The following PPARGC1B variants were observed in gnomAD, a reference collection of about 807,000 sequenced individuals.
PPARGC1B encodes the protein peroxisome proliferator-activated receptor gamma coactivator 1-beta.
In PPARGC1B, 34 loss-of-function variants were observed where a neutral mutation model predicts 101.6. The observed-to-expected ratio is 0.33, with a 90% CI of 0.25 to 0.45. The LOEUF (loss-of-function observed/expected upper bound fraction) is 0.45, where lower values mean the gene tolerates loss of function less well. Among genes scored for constraint, PPARGC1B ranks in the 20% least tolerant of loss-of-function variants. The probability of loss-of-function intolerance (pLI) is 1.00; values close to 1 mark genes in which losing one functional copy is unlikely to be tolerated. For missense variants in PPARGC1B, 1,234 were observed against 1,317.6 expected (o/e 0.94, Z 0.98); for synonymous variants, 548 against 539.3 (o/e 1.02, Z -0.22).
At chr5:149,817,565 T>G in intron 1 of PPARGC1B, 1 of 363,532 alleles carries the variant, frequency 2.8e-6, no homozygotes, top group Non-Finnish European at 5.5e-6. Context: ...TTCATAGCAC[T>G]AACTCAGTCT....
At chr5:149,809,297 G>C (rs1757734900) in intron 1 of PPARGC1B, among the ~76,000 whole-genome samples, 1 of 42,684 alleles carries the variant, frequency 2.3e-5, no homozygotes, top group Admixed American at 2.8e-4. Context: ...ACCATAGATA[G>C]ATAGATAGAT....
chr5:149,813,206 G>C (rs1372549247), intron 1 of PPARGC1B, among the ~76,000 whole-genome samples: 1 of 152,200 alleles, frequency 6.6e-6, no homozygotes, highest in Non-Finnish European at 1.5e-5. Flanking sequence ...CACCCTAGCA[G>C]ATCTCATTGC....
At chr5:149,842,775 G>T (rs550466359) in intron 10 of PPARGC1B, among the ~76,000 whole-genome samples, 1 of 152,214 alleles carries the variant, frequency 6.6e-6, no homozygotes, top group Non-Finnish European at 1.5e-5. Context: ...GATAGTGCGG[G>T]GCAGCAGCCC....
intron 1 of PPARGC1B, among the ~76,000 whole-genome samples, chr5:149,764,654 G>A (rs902627965): frequency 2.0e-5 from 3 of 152,232 alleles, no homozygotes; most frequent in African/African-American, 7.2e-5. Flanking sequence ...GGGGTGGCAA[G>A]TGATTCACAT....
chr5:149,774,545 G>T (rs1364683450), intron 1 of PPARGC1B, among the ~76,000 whole-genome samples: 1 of 151,978 alleles, frequency 6.6e-6, no homozygotes, highest in Non-Finnish European at 1.5e-5. Flanking sequence ...CATTAGCGGG[G>T]ATTGGGATGA....
Position 149,833,112 on chromosome 5 carries a change from C to T in PPARGC1B, c.1039C>T (p.Leu347=). The part of the protein sequence containing the change: ...WAEFSILREL[L]AQDVLCDVSK... ...TGAGTTCTCCATTCTGAGGGAACTT[C>T]TGGCTCAAGACGTGCTCTGTGATGT... The change falls in exon 5 of 12, where the codon CTG becomes TTG. Residue 347 remains leucine, a synonymous_variant. Coordinates refer to ENST00000309241, the MANE Select transcript of PPARGC1B (RefSeq NM_133263.4). This position sits in a 1 kb window ranked among gnomAD's most constrained non-coding sequence, Gnocchi z 4.1. 1.9e-6 allele frequency: 3 copies of T among 1,613,912 alleles called. No homozygotes were observed. Among genetic ancestry groups the T allele is most frequent in the Non-Finnish European group, 2.5e-6 (3 of 1,180,044 alleles).
At chr5:149,745,177 A>G (rs1755043421) in intron 1 of PPARGC1B, among the ~76,000 whole-genome samples, 1 of 152,166 alleles carries the variant, frequency 6.6e-6, no homozygotes, top group Non-Finnish European at 1.5e-5. Flanking sequence ...CTAGGATTAC[A>G]GGCAGGAGCC....
chr5:149,755,018 CCA>C (rs1461522380), intron 1 of PPARGC1B, among the ~76,000 whole-genome samples: 19 of 137,472 alleles, frequency 1.4e-4, no homozygotes, highest in African/African-American at 4.4e-4. Flanking sequence ...ATATATATAC[CCA>C]CACATATACA....
downstream of PPARGC1B, among the ~76,000 whole-genome samples, chr5:149,855,754 A>G (rs1442106459): frequency 2.0e-5 from 3 of 152,170 alleles, no homozygotes; most frequent in African/African-American, 7.2e-5. Flanking sequence ...TTGTGCTTTA[A>G]CTTTATTTTT....
intron 1 of PPARGC1B, among the ~76,000 whole-genome samples, chr5:149,751,003 T>TTTATG (rs3042334): frequency 6.6e-6 from 1 of 151,604 alleles, no homozygotes; most frequent in East Asian, 1.9e-4. Context: ...ACTTAAATGT[T>TTTATG]TTACTATAAC....
At chr5:149,732,904 T>G (rs984740311) in intron 1 of PPARGC1B, 2 of 435,930 alleles carry the variant, frequency 4.6e-6, no homozygotes, top group Middle Eastern at 3.5e-4. Flanking sequence ...TGGAGTCACC[T>G]TCCCCACTCT....
At chr5:149,748,981 C>T (rs182624315) in intron 1 of PPARGC1B, among the ~76,000 whole-genome samples, 13 of 152,228 alleles carry the variant, frequency 8.5e-5, no homozygotes, top group Admixed American at 8.5e-4. Context: ...AATGGTATCA[C>T]CCTGTGGACT....
At chr5:149,782,879 C>A (rs781215478) in intron 1 of PPARGC1B, among the ~76,000 whole-genome samples, 1 of 152,152 alleles carries the variant, frequency 6.6e-6, no homozygotes, top group Non-Finnish European at 1.5e-5. Context: ...CCCTCCTGAC[C>A]CCCAGTGGGC....
At position 149,837,813 on chromosome 5, in the gene PPARGC1B, G is replaced by C. The variant is rs1368733833; in HGVS notation, c.2618+740G>C. On this transcript the variant is annotated intron_variant, in intron 8 of 11. Transcript: ENST00000309241. This position sits in a 1 kb window ranked among gnomAD's most constrained non-coding sequence, Gnocchi z 4.2. ...TCTCCCTGGGGAAGGCTTGAGGACA[G>C]TCAGTGTCATCATCCCCAGCCCTGT... Among the ~76,000 whole-genome samples the C allele has an allele frequency of 6.6e-6, 1 of 152,250 alleles. No homozygotes were observed. The highest frequency in any genetic ancestry group is 1.5e-5 in the Non-Finnish European group (1 of 68,046).
rs763939290 is a variant in PPARGC1B at position 149,847,563 on chromosome 5, A to G, written c.*5A>G. ...GCCCAGCAGAGCCTGCATTGATAAC[A>G]GCCTTAACCCTCGAGGAATACCTCA... On this transcript the variant is annotated 3_prime_UTR_variant, in exon 12 of 12. Transcript: ENST00000309241. The G allele has an allele frequency of 6.2e-7, 1 of 1,607,318 alleles. No individual in the cohort carries two copies. Among genetic ancestry groups the G allele is most frequent in the South Asian group, 1.1e-5 (1 of 90,958 alleles).
intron 1 of PPARGC1B, among the ~76,000 whole-genome samples, chr5:149,795,318 T>A (rs1422212629): frequency 6.6e-6 from 1 of 152,182 alleles, no homozygotes; most frequent in Non-Finnish European, 1.5e-5. Context: ...TTTCCTCACC[T>A]GTAAAATGGA....
chr5:149,763,950 G>T (rs576229766), intron 1 of PPARGC1B, among the ~76,000 whole-genome samples: 12 of 152,098 alleles, frequency 7.9e-5, no homozygotes, highest in African/African-American at 2.6e-4. Flanking sequence ...AAAGTGCTGG[G>T]ATTACAGGTG....
chr5:149,768,466 CAG>C (rs1282601088), intron 1 of PPARGC1B, among the ~76,000 whole-genome samples: 7 of 107,420 alleles, frequency 6.5e-5, no homozygotes, highest in Non-Finnish European at 1.1e-4. Flanking sequence ...TTTTTTGAGA[CAG>C]AGTCTTGCTC....
chr5:149,776,957 C>T (rs1756384417), intron 1 of PPARGC1B, among the ~76,000 whole-genome samples: 1 of 152,216 alleles, frequency 6.6e-6, no homozygotes, highest in African/African-American at 2.4e-5. Flanking sequence ...GAGTCCTTCC[C>T]CACCCTCAGC....
Sources: gnomAD v4.1 joint callset for allele counts (sites outside exome capture counted in the v4.1 genomes callset) on GRCh38, gnomAD v4.1.1 for gene constraint, Gnocchi (gnomAD v3.1) non-coding constraint, MANE v1.5 for transcripts, NCBI Gene and HGNC (gene_info 2026-07-23, HGNC 2026-07-21) for gene names.